LYRM4: variants seen among roughly 807,000 people sequenced by gnomAD.
The protein encoded by LYRM4 is LYR motif-containing protein 4.
Under a neutral mutation model 11.7 loss-of-function variants are expected in LYRM4, and 9 were observed. The ratio of observed to expected loss-of-function variants is 0.77; its 90% confidence interval spans 0.46 to 1.34. The LOEUF is 1.34. LYRM4 is among the 40% of genes most tolerant of loss of function. The pLI is 0.00. For synonymous variants in LYRM4, 42 were observed against 40.4 expected (o/e 1.04, Z -0.15); for missense variants, 133 against 112.5 (o/e 1.18, Z -0.82).
At chr6:5,064,682 A>G in the LYRM4 span, among the ~76,000 whole-genome samples, 12 of 152,170 alleles carry the variant, frequency 7.9e-5, no homozygotes, top group African/African-American at 2.7e-4. Context: ...TAGGACTACA[A>G]GGGCGAACCA....
At chr6:5,198,931 T>C (rs1420610056) in intron 2 of LYRM4, among the ~76,000 whole-genome samples, 2 of 152,180 alleles carry the variant, frequency 1.3e-5, no homozygotes, top group African/African-American at 4.8e-5. Flanking sequence ...GGGGCAAAAT[T>C]AGAACCCTTA....
chr6:5,118,092 A>T (rs76079869), intron 2 of LYRM4, among the ~76,000 whole-genome samples: 1 of 22,692 alleles, frequency 4.4e-5, no homozygotes, highest in East Asian at 3.2e-3. Context: ...ATATATATAT[A>T]TATTTTTGTT....
chr6:5,227,978 T>C (rs536636620), intron 1 of LYRM4, among the ~76,000 whole-genome samples: 1 of 152,026 alleles, frequency 6.6e-6, no homozygotes, highest in African/African-American at 2.4e-5. Context: ...CACCAGGACC[T>C]GTTGCGGGGT....
chr6:5,082,481 T>A, the LYRM4 span, among the ~76,000 whole-genome samples: 15,918 of 151,978 alleles, frequency 0.1, 1,109 homozygotes, highest in African/African-American at 0.2. Flanking sequence ...GGCACCTCCC[T>A]CCCCCTGCCT....
chr6:5,202,514 G>A (rs1019077859), intron 2 of LYRM4, among the ~76,000 whole-genome samples: 1 of 152,168 alleles, frequency 6.6e-6, no homozygotes, highest in African/African-American at 2.4e-5. Context: ...GGATGATGTG[G>A]GCACTGGATG....
chr6:5,077,320 TG>T, the LYRM4 span, among the ~76,000 whole-genome samples: 1 of 152,246 alleles, frequency 6.6e-6, no homozygotes, highest in East Asian at 1.9e-4. Context: ...CTTTTAGTTC[TG>T]CCTCACGTAG....
intron 2 of LYRM4, among the ~76,000 whole-genome samples, chr6:5,153,513 C>T (rs755635996): frequency 1.1e-4 from 17 of 152,320 alleles, no homozygotes; most frequent in East Asian, 1.9e-4. Flanking sequence ...TGCTGCTGTT[C>T]GGTGTGACCG....
rs901729124 is a variant in LYRM4, at chr6:5,220,131, C to T, written c.87-3393G>A. Among the ~76,000 whole-genome samples, 6 of 152,140 alleles carry T rather than the reference C, an allele frequency of 3.9e-5. No homozygotes were observed. In the East Asian group the frequency reaches 7.7e-4, roughly 20 times the overall value. On this transcript the variant is annotated intron_variant, in intron 1 of 2. Coordinates refer to ENST00000330636, the MANE Select transcript of LYRM4 (RefSeq NM_020408.6). Reference sequence around the variant, plus strand: ...TCAAGTGCCCACAGGTTCTTTTTACCATTGCAAGGATTATACTCTTTTCTG... The same window carrying T: ...TCAAGTGCCCACAGGTTCTTTTTACTATTGCAAGGATTATACTCTTTTCTG...
At chr6:5,048,928 G>A in the LYRM4 span, among the ~76,000 whole-genome samples, 1 of 152,178 alleles carries the variant, frequency 6.6e-6, no homozygotes, top group Non-Finnish European at 1.5e-5. Context: ...TTGTTCCAGA[G>A]GGCTGCAAGG....
At chr6:5,105,942 A>C (rs1253367079), downstream of LYRM4, 1 of 152,458 alleles carries the variant, frequency 6.6e-6, no homozygotes, top group African/African-American at 2.4e-5. Context: ...GGCTGCCACC[A>C]TCCCAGACTC....
At chr6:5,156,767 G>C (rs2127647838) in intron 2 of LYRM4, among the ~76,000 whole-genome samples, 1 of 152,288 alleles carries the variant, frequency 6.6e-6, no homozygotes, top group African/African-American at 2.4e-5. Context: ...TTCAGGGAGG[G>C]GTGGTGACGG....
In LYRM4 at chr6:5,219,711, TTTTTTTC is replaced by T. The variant is rs528842517; in HGVS notation, c.87-2980_87-2974del. On this transcript the variant is annotated intron_variant, in intron 1 of 2. Transcript: ENST00000330636. Reference sequence around the variant, plus strand: ...CCCTGGTTTTTATCATTTGCTTTTTTTTTTTTCTTTTTTCTTTGCTTTTCTTTTTTGC... The same window carrying T: ...CCCTGGTTTTTATCATTTGCTTTTTTTTTTTTCTTTGCTTTTCTTTTTTGC... Among the ~76,000 whole-genome samples the T allele has an allele frequency of 2.8e-4, 42 of 152,274 alleles. No homozygotes were observed. In the South Asian group the frequency reaches 7.9e-3, roughly 29 times the overall value.
the LYRM4 span, chr6:5,089,400 C>A: frequency 4.6e-5 from 7 of 152,052 alleles, no homozygotes; most frequent in Non-Finnish European, 1.0e-4. Context: ...TTTGAAAATG[C>A]TTGTTTGTGG....
chr6:5,199,448 G>A (rs1761259305), intron 2 of LYRM4, among the ~76,000 whole-genome samples: 1 of 152,176 alleles, frequency 6.6e-6, no homozygotes, highest in Non-Finnish European at 1.5e-5. Flanking sequence ...ATTGATCATG[G>A]TGATGGTTGT....
intron 1 of LYRM4, among the ~76,000 whole-genome samples, chr6:5,231,455 G>A (rs1763237322): frequency 6.6e-6 from 1 of 152,090 alleles, no homozygotes; most frequent in African/African-American, 2.4e-5. Flanking sequence ...TGAATCCAGG[G>A]CAAGAGAGCC....
intron 2 of LYRM4, among the ~76,000 whole-genome samples, chr6:5,166,654 A>G (rs977775890): frequency 1.3e-5 from 2 of 152,224 alleles, no homozygotes; most frequent in African/African-American, 4.8e-5. Context: ...AGACTTAAGC[A>G]CAGATGAAAC....
chr6:5,057,232 A>T, the LYRM4 span, among the ~76,000 whole-genome samples: 2 of 152,140 alleles, frequency 1.3e-5, no homozygotes, highest in Non-Finnish European at 2.9e-5. Context: ...CCCACGAGCC[A>T]CACCCTGAGG....
intron 2 of LYRM4, among the ~76,000 whole-genome samples, chr6:5,135,006 C>A (rs111823365): frequency 1.2e-5 from 1 of 80,584 alleles, no homozygotes; most frequent in Non-Finnish European, 2.4e-5. Flanking sequence ...GGATCGCTCC[C>A]GGGGCTGTGG....
intron 2 of LYRM4, among the ~76,000 whole-genome samples, chr6:5,120,183 C>G (rs978662790): frequency 6.6e-6 from 1 of 152,132 alleles, no homozygotes; most frequent in South Asian, 2.1e-4. Context: ...GCATGAGGCA[C>G]GGTGCCTGGC....
Sources: gnomAD v4.1 joint callset for allele counts (sites outside exome capture counted in the v4.1 genomes callset) on GRCh38, gnomAD v4.1.1 for gene constraint, MANE v1.5 for transcripts, NCBI Gene and HGNC (gene_info 2026-07-23, HGNC 2026-07-21) for gene names.